The following ANKH variants were observed in gnomAD, a reference collection of about 807,000 sequenced individuals.
ANKH encodes the protein mineralization regulator ANKH.
In ANKH, 15 loss-of-function variants were observed where a neutral mutation model predicts 49.0. That is an observed-to-expected ratio of 0.31 (90% CI 0.20 to 0.47). ANKH has a LOEUF of 0.47. ANKH is among the 20% of genes least tolerant of loss of function. The pLI is 1.00. For synonymous variants in ANKH, 273 were observed against 260.0 expected (o/e 1.05, Z -0.48); for missense variants, 429 against 652.0 (o/e 0.66, Z 3.72).
At chr5:14,766,041 T>C (rs1297954743) in intron 2 of ANKH, among the ~76,000 whole-genome samples, 2 of 152,176 alleles carry the variant, frequency 1.3e-5, no homozygotes, top group Admixed American at 6.5e-5. Context: ...ATATTCATTA[T>C]AGCGCACAGG....
rs535673498 is a variant in ANKH at position 14,821,175 on chromosome 5, T to C, written c.96+50177A>G. Among the ~76,000 whole-genome samples the C allele has an allele frequency of 5.3e-5, 8 of 152,234 alleles. No homozygotes were observed. In the South Asian group the frequency reaches 1.7e-3, roughly 32 times the overall value. On this transcript the variant is annotated intron_variant, in intron 1 of 11. Transcript: ENST00000284268. ...TTAAAGCCCGACATCATATAAATGA[T>C]ACATGTGTGAGTTTGTAGATACATT...
At chr5:14,825,011 CTA>C (rs938673797) in intron 1 of ANKH, among the ~76,000 whole-genome samples, 1 of 152,136 alleles carries the variant, frequency 6.6e-6, no homozygotes, top group African/African-American at 2.4e-5. Flanking sequence ...TAATTGTTCC[CTA>C]TGTTTTTATA....
At chr5:14,870,166 T>C (rs1367769416) in intron 1 of ANKH, 1 of 152,140 alleles carries the variant, frequency 6.6e-6, no homozygotes, top group African/African-American at 2.4e-5. Context: ...CTAGAGAATA[T>C]GCCATATTGT....
At chr5:14,852,717 C>T (rs898322098) in intron 1 of ANKH, among the ~76,000 whole-genome samples, 4 of 152,106 alleles carry the variant, frequency 2.6e-5, no homozygotes, top group African/African-American at 9.7e-5. Context: ...TATCAAGTTA[C>T]AGGCACAACT....
intron 1 of ANKH, among the ~76,000 whole-genome samples, chr5:14,830,518 T>A (rs1344775925): frequency 6.6e-6 from 1 of 151,264 alleles, no homozygotes; most frequent in African/African-American, 2.4e-5. Context: ...GGAGTGTGTG[T>A]GTGTGTGTGT....
rs1298103676 is a variant in ANKH, at chr5:14,709,280, T to A, written c.*1917A>T. 1 of 138,966 alleles carries A rather than the reference T, an allele frequency of 7.2e-6. No homozygotes were observed. The highest frequency in any genetic ancestry group is 2.1e-4 in the East Asian group (1 of 4,664). 8.6% of individuals were successfully genotyped at this position (138,966 alleles called of 1,614,324 possible). A position where few individuals can be genotyped will look rare whatever the true frequency, so the allele number is the denominator to read the frequency against. On this transcript the variant is annotated 3_prime_UTR_variant, in exon 12 of 12. Transcript: ENST00000284268. ...AAAATACTGTTTAATTTTCTAGTAA[T>A]GTCCTTTAAAAAAAGCTGATACATT...
chr5:14,805,023 T>C (rs1028573559), intron 1 of ANKH, among the ~76,000 whole-genome samples: 8 of 152,142 alleles, frequency 5.3e-5, no homozygotes, highest in South Asian at 2.1e-4. Context: ...CTTAATTGGA[T>C]TGAAGGATAC....
chr5:14,777,829 T>C (rs1739676737), intron 1 of ANKH, among the ~76,000 whole-genome samples: 1 of 152,142 alleles, frequency 6.6e-6, no homozygotes, highest in Non-Finnish European at 1.5e-5. Flanking sequence ...AGACAGATTA[T>C]CTTTTGGGGT....
chr5:14,831,059 TC>T (rs914586455), intron 1 of ANKH, among the ~76,000 whole-genome samples: 5 of 152,170 alleles, frequency 3.3e-5, no homozygotes, highest in Non-Finnish European at 7.3e-5. Flanking sequence ...ACCAGGTACT[TC>T]CTCTGGAGTT....
chr5:14,751,104 C>T lies in ANKH; in HGVS notation c.652G>A (p.Asp218Asn), dbSNP rs986240035. The change falls in exon 5 of 12, where the codon GAC (aspartate) becomes AAC (asparagine). Residue 218 changes from aspartate to asparagine, a missense_variant. Asp to Asn is a conservative substitution (Grantham distance 23). Transcript: ENST00000284268. ...GGGCCACTTCTGTCAGGGATGATGT[C>T]GTGAATGTTCTTGTAGTAGCCCAGG... ...LCLGYYKNIHDIIPDRSGPEL... is the reference protein window; with the variant it reads ...LCLGYYKNIHNIIPDRSGPEL... The T allele has an allele frequency of 6.2e-6, 10 of 1,614,102 alleles. No homozygotes were observed. The highest frequency in any genetic ancestry group is 1.6e-4 in the Middle Eastern group (1 of 6,080).
In ANKH at chr5:14,708,268, T is replaced by C. The variant is rs1273624444; in HGVS notation, c.*2929A>G. 6.6e-6 allele frequency: 1 copy of C among 152,182 alleles called. No individual in the cohort carries two copies. Among genetic ancestry groups the C allele is most frequent in the Non-Finnish European group, 1.5e-5 (1 of 68,032 alleles). The allele number at this position is 152,182 out of a possible 1,614,324, so 9.4% of individuals were successfully genotyped here. A position where few individuals can be genotyped will look rare whatever the true frequency, so the allele number is the denominator to read the frequency against. On this transcript the variant is annotated 3_prime_UTR_variant, in exon 12 of 12. Transcript: ENST00000284268. ...TTGAGCTGCCCAAACCTATTATTTC[T>C]CAGCATCTAAATGAAAAACTACTTC... is the stretch of plus-strand genomic sequence containing the variant.
intron 2 of ANKH, among the ~76,000 whole-genome samples, chr5:14,763,540 G>A (rs76272124): frequency 1.6e-4 from 25 of 152,248 alleles, no homozygotes; most frequent in Non-Finnish European, 3.7e-4. Flanking sequence ...GGGGGATAGG[G>A]GGCATAAATA....
At chr5:14,761,957 G>A (rs1248843118) in intron 2 of ANKH, among the ~76,000 whole-genome samples, 1 of 152,090 alleles carries the variant, frequency 6.6e-6, no homozygotes, top group Admixed American at 6.5e-5. Flanking sequence ...TAGAGATGGG[G>A]TTTCACCATG....
At chr5:14,746,989 C>T (rs1738562135) in intron 6 of ANKH, among the ~76,000 whole-genome samples, 1 of 152,268 alleles carries the variant, frequency 6.6e-6, no homozygotes, top group Admixed American at 6.5e-5. Context: ...CACACAGAAC[C>T]CTCTAGTCTA....
At chr5:14,866,219 T>A (rs971439169) in intron 1 of ANKH, among the ~76,000 whole-genome samples, 3 of 152,210 alleles carry the variant, frequency 2.0e-5, no homozygotes, top group African/African-American at 7.2e-5. Flanking sequence ...TTGGCCAGGC[T>A]GCTCTTGAAC....
chr5:14,812,403 G>A (rs1031333928), intron 1 of ANKH, among the ~76,000 whole-genome samples: 2 of 152,068 alleles, frequency 1.3e-5, no homozygotes, highest in South Asian at 2.1e-4. Flanking sequence ...ACAGTCTCTC[G>A]TGAGGCTTCC....
At chr5:14,749,748 G>T (rs913689278) in intron 5 of ANKH, among the ~76,000 whole-genome samples, 1 of 152,240 alleles carries the variant, frequency 6.6e-6, no homozygotes, top group Admixed American at 6.5e-5. Flanking sequence ...TCACAAAAAT[G>T]TGCCTAATTA....
Position 14,751,058 on chromosome 5 carries a change from GGTAGAC to G in ANKH, c.687+5_687+10del. 1 of 1,614,080 alleles carries G rather than the reference GGTAGAC, an allele frequency of 6.2e-7. No individual in the cohort carries two copies. The highest frequency in any genetic ancestry group is 8.5e-7 in the Non-Finnish European group (1 of 1,179,916). ...GTCTCAGACAGACTGCTGTTGGGTT[GGTAGAC>G]GTACCCCCAGCTCCGGGCCACTTCT... is the stretch of plus-strand genomic sequence containing the variant. On this transcript the variant is annotated splice_donor_5th_base_variant and intron_variant, in intron 5 of 11. Coordinates refer to ENST00000284268, the MANE Select transcript of ANKH (RefSeq NM_054027.6).
chr5:14,718,536 C>T (rs777837476), intron 8 of ANKH, among the ~76,000 whole-genome samples: 5 of 152,160 alleles, frequency 3.3e-5, no homozygotes, highest in Non-Finnish European at 2.9e-5. Flanking sequence ...TCACGCCAGA[C>T]GCTTTGGCTC....
Sources: gnomAD v4.1 joint callset for allele counts (sites outside exome capture counted in the v4.1 genomes callset) on GRCh38, gnomAD v4.1.1 for gene constraint, MANE v1.5 for transcripts, NCBI Gene and HGNC (gene_info 2026-07-23, HGNC 2026-07-21) for gene names.